CAPN8: variants seen among roughly 807,000 people sequenced by gnomAD.
The protein encoded by CAPN8 is calpain 8, also known as calpain-8.
A neutral mutation model predicts 80.9 loss-of-function variants in CAPN8; 87 were observed. That is an observed-to-expected ratio of 1.07 (90% CI 0.90 to 1.28). The LOEUF (loss-of-function observed/expected upper bound fraction) is 1.28. Among genes scored for constraint, CAPN8 ranks in the 50% most tolerant of loss-of-function variants. The pLI, the probability that CAPN8 is intolerant of heterozygous loss-of-function variation, is 0.00. For synonymous variants in CAPN8, 299 were observed against 273.8 expected, an observed-to-expected ratio of 1.09 and a Z score of -0.91; for missense variants, 757 against 702.0, an observed-to-expected ratio of 1.08 and a Z score of -0.89.
At chr1:223,656,010 G>A (rs1490835781) in intron 1 of CAPN8, among the ~76,000 whole-genome samples, 4 of 152,180 alleles carry the variant, frequency 2.6e-5, no homozygotes, top group Non-Finnish European at 5.9e-5. Flanking sequence ...TGGGCTGAGG[G>A]CAGATGCATG....
rs1305000761 is a variant in CAPN8, at chr1:223,627,788, C to T, written c.560+221G>A. 7.9e-5 allele frequency among the ~76,000 whole-genome samples: 12 copies of T among 152,342 alleles called. No homozygotes were observed. In the East Asian group the frequency reaches 2.3e-3, roughly 29 times the overall value. ...GCAGGGAGGCTGGCCCCACCACATA[C>T]ACATTCACCCGAGGCAGAGCTGAGA... On this transcript the variant is annotated intron_variant, in intron 4 of 20. Coordinates refer to ENST00000366872, the MANE Select transcript of CAPN8 (RefSeq NM_001143962.2).
At chr1:223,654,538 G>T in intron 1 of CAPN8, 139 bp from the exon 2 acceptor site, 1 of 739,570 alleles carries the variant, frequency 1.4e-6, no homozygotes, top group Non-Finnish European at 2.3e-6. Flanking sequence ...TGGTTTTATT[G>T]CTGAGGACTC....
In CAPN8 at chr1:223,549,349, T is replaced by C. The variant is rs1416017628; in HGVS notation, c.1733A>G (p.Asn578Ser). The part of the protein sequence containing the change: ...TDIKFDGFNI[N>S]TCREMISLLD... ...CAGACTGATCATTTCCCTGCAAGTG[T>C]TGATGTTGAATCCATCGAATTTTAT... The change falls in exon 16 of 21, where the codon AAC becomes AGC. Residue 578 changes from asparagine to serine, a missense_variant. Asn to Ser is a conservative substitution (Grantham distance 46). Transcript: ENST00000366872. 2.6e-6 allele frequency: 4 copies of C among 1,551,924 alleles called. No homozygotes were observed. The highest frequency in any genetic ancestry group is 2.0e-5 in the Admixed American group (1 of 51,002).
At chr1:223,644,590 A>C (rs1324534366) in intron 2 of CAPN8, among the ~76,000 whole-genome samples, 1 of 152,192 alleles carries the variant, frequency 6.6e-6, no homozygotes, top group African/African-American at 2.4e-5. Context: ...AAATAAACGC[A>C]TGTGACAGGT....
chr1:223,652,628 GCT>G (rs1231125844), intron 2 of CAPN8, among the ~76,000 whole-genome samples: 1 of 151,972 alleles, frequency 6.6e-6, no homozygotes, highest in African/African-American at 2.4e-5. Flanking sequence ...TCAGCCCCTG[GCT>G]CCCCACCCTG....
chr1:223,637,270 C>T (rs1657921926), intron 2 of CAPN8, among the ~76,000 whole-genome samples: 1 of 152,166 alleles, frequency 6.6e-6, no homozygotes, highest in South Asian at 2.1e-4. Flanking sequence ...TCCAGTGCCC[C>T]CATCCTGCAG....
At position 223,619,437 on chromosome 1, in the gene CAPN8, A is replaced by C. The variant is rs1416189864; in HGVS notation, c.991T>G (p.Phe331Val). Residue 331 changes from phenylalanine to valine, a missense_variant, in exon 9 of 21, where the codon TTC becomes GTC. Physicochemically the swap from Phe to Val is conservative, Grantham distance 50. Coordinates refer to ENST00000366872, the MANE Select transcript of CAPN8 (RefSeq NM_001143962.2). The part of the protein sequence containing the change: ...DGEFWMSLSD[F>V]VRQFSRLEIC... The stretch of plus-strand genomic sequence containing the variant: ...TCCAACCGAGAGAACTGCCTCACGA[A>C]ATCTGAAAGTGACATCCTGGGGCAG... 6.4e-7 allele frequency: 1 copy of C among 1,551,568 alleles called. No homozygotes were observed. The highest frequency in any genetic ancestry group is 2.0e-5 in the Admixed American group (1 of 50,992).
Position 223,627,989 on chromosome 1 carries a change from T to C in CAPN8, c.560+20A>G. 1 of 1,521,142 alleles carries C rather than the reference T, an allele frequency of 6.6e-7. No individual in the cohort carries two copies. 94.2% of individuals were successfully genotyped at this position (1,521,142 alleles called of 1,614,324 possible). A position where few individuals can be genotyped will look rare whatever the true frequency, so the allele number is the denominator to read the frequency against. On this transcript the variant is annotated intron_variant, in intron 4 of 20. Coordinates refer to ENST00000366872, the MANE Select transcript of CAPN8 (RefSeq NM_001143962.2). The stretch of plus-strand genomic sequence containing the variant: ...CAGGGAGGCTCTGGCGTCTCCCAGC[T>C]CCTGGCTTCCCCCACTTACTTGGCA...
intron 4 of CAPN8, among the ~76,000 whole-genome samples, chr1:223,627,389 C>A (rs1657621758): frequency 6.6e-6 from 1 of 152,194 alleles, no homozygotes; most frequent in African/African-American, 2.4e-5. Context: ...CCCTCCTTTA[C>A]AAAGCCAAGG....
intron 1 of CAPN8, among the ~76,000 whole-genome samples, chr1:223,656,295 TC>T (rs1354652270): frequency 6.6e-6 from 1 of 151,686 alleles, no homozygotes; most frequent in Non-Finnish European, 1.5e-5. Context: ...ATGGTGAAAC[TC>T]CCTCTCTACT....
At chr1:223,658,806 A>AAAAAAG (rs144287112) in intron 1 of CAPN8, among the ~76,000 whole-genome samples, 64 of 152,278 alleles carry the variant, frequency 4.2e-4, no homozygotes, top group Non-Finnish European at 8.4e-4. Context: ...ATTCTGTCTC[A>AAAAAAG]AAAAAGAAAA....
intron 9 of CAPN8, chr1:223,618,405 G>A: frequency 7.5e-7 from 1 of 1,337,350 alleles, no homozygotes; most frequent in Non-Finnish European, 1.0e-6. Flanking sequence ...CAGGGTCTGA[G>A]TCCCCATGAC....
chr1:223,633,936 C>A (rs77054750), intron 2 of CAPN8, among the ~76,000 whole-genome samples: 21 of 152,192 alleles, frequency 1.4e-4, no homozygotes, highest in African/African-American at 5.1e-4. Flanking sequence ...CATCAGAAAC[C>A]CTACAGTAGC....
rs1307859873 is a variant in CAPN8 at position 223,665,422 on chromosome 1, C to T, written c.225G>A (p.Trp75Ter). ...PGSPQTQGIIWKRPTELCPSP... is the reference protein window; with the variant it reads ...PGSPQTQGII ...CCCGCTTCCTTACCGTGGGCCGCTT[C>T]CAGATGATGCCTTGAGTTTGCGGAG... Residue 75 changes from tryptophan (W) to a stop codon, truncating the protein, a stop_gained, in exon 1 of 21, where the codon TGG becomes TGA. Coordinates refer to ENST00000366872, the MANE Select transcript of CAPN8 (RefSeq NM_001143962.2). LOFTEE classifies it high-confidence loss of function. 1 of 1,551,252 alleles carries T rather than the reference C, an allele frequency of 6.4e-7. No individual in the cohort carries two copies. The highest frequency in any genetic ancestry group is 8.7e-7 in the Non-Finnish European group (1 of 1,146,410).
intron 13 of CAPN8, 50 bp downstream of exon 13, chr1:223,558,081 T>G (rs1656945887): frequency 7.5e-6 from 3 of 398,620 alleles, no homozygotes; most frequent in Non-Finnish European, 8.8e-6. Context: ...AAACCTGGAA[T>G]GACTGCTATG....
intron 16 of CAPN8, among the ~76,000 whole-genome samples, chr1:223,545,789 T>C (rs1398448231): frequency 1.3e-5 from 2 of 151,696 alleles, no homozygotes; most frequent in African/African-American, 4.8e-5. Context: ...TTATGAGGGA[T>C]TTTCTGTGTC....
chr1:223,638,653 GGCTTCT>G (rs1284925832), intron 2 of CAPN8, among the ~76,000 whole-genome samples: 1 of 152,026 alleles, frequency 6.6e-6, no homozygotes, highest in Non-Finnish European at 1.5e-5. Context: ...CGTAGGCAGG[GGCTTCT>G]GCTGACACCC....
chr1:223,554,046 G>A (rs1467072497), intron 13 of CAPN8, 146 bp from the exon 14 acceptor site: 1 of 394,096 alleles, frequency 2.5e-6, no homozygotes, highest in East Asian at 3.6e-5. Flanking sequence ...GCACATGGTG[G>A]CAAACCAAGA....
chr1:223,643,845 C>T (rs1442470376), intron 2 of CAPN8, among the ~76,000 whole-genome samples: 5 of 152,176 alleles, frequency 3.3e-5, no homozygotes, highest in African/African-American at 1.2e-4. Context: ...AGACTGAAGA[C>T]GGTAAACCCG....
Sources: allele counts gnomAD v4.1 joint callset (sites outside exome capture counted in the v4.1 genomes callset), GRCh38; gene constraint gnomAD v4.1.1; transcripts MANE v1.5; gene names NCBI Gene and HGNC (gene_info 2026-07-23, HGNC 2026-07-21).